The following MYO6 variants were observed in gnomAD, a reference collection of about 807,000 sequenced individuals.
MYO6 encodes myosin VI, also known as unconventional myosin-VI.
In MYO6, 74 loss-of-function variants were observed where a neutral mutation model predicts 178.7. The ratio of observed to expected loss-of-function variants is 0.41; its 90% confidence interval spans 0.34 to 0.50. MYO6 has a LOEUF of 0.50. Ranked by LOEUF, MYO6 falls within the 20% of genes least tolerant of loss-of-function variation. MYO6 has a pLI of 0.09. For synonymous variants in MYO6, 477 were observed against 504.6 expected (o/e 0.95, Z 0.73); for missense variants, 1,330 against 1,547.4 (o/e 0.86, Z 2.36).
chr6:75,774,953 C>A (rs1234687408), intron 1 of MYO6, among the ~76,000 whole-genome samples: 1 of 151,998 alleles, frequency 6.6e-6, no homozygotes, highest in Non-Finnish European at 1.5e-5. Context: ...GCCACCACAC[C>A]TGGCTAATTT....
In MYO6 at chr6:75,917,876, A is replaced by C. The variant is rs1781204106; in HGVS notation, c.*2864A>C. The C allele has an allele frequency of 1.7e-5, 1 of 58,018 alleles. No individual in the cohort carries two copies. Among genetic ancestry groups the C allele is most frequent in the Non-Finnish European group, 4.8e-5 (1 of 20,824 alleles). 3.6% of individuals were successfully genotyped at this position (58,018 alleles called of 1,614,324 possible). A position where few individuals can be genotyped will look rare whatever the true frequency, so the allele number is the denominator to read the frequency against. ...GGTTCTCAGCGATCCAAATATGTAG[A>C]TCATTGGTTTTTTTTTTTACCTGAA... On this transcript the variant is annotated 3_prime_UTR_variant, in exon 35 of 35. Coordinates refer to ENST00000369977, the MANE Select transcript of MYO6 (RefSeq NM_004999.4).
In MYO6 at chr6:75,840,621, CTG is replaced by C. The variant is rs1467128922; in HGVS notation, c.592_593del (p.Val198SerfsTer4). The stretch of plus-strand genomic sequence containing the variant: ...CTAGAAGCCTTTGGAAATGCGAAGA[CTG>C]TTCGCAACAATAATAGCAGTCGATT... On this transcript the variant is annotated frameshift_variant, in exon 8 of 35. Transcript: ENST00000369977. LOFTEE classifies it high-confidence loss of function. 6.2e-7 allele frequency: 1 copy of C among 1,613,950 alleles called. No homozygotes were observed. The highest frequency in any genetic ancestry group is 1.1e-5 in the South Asian group (1 of 91,080).
intron 25 of MYO6, among the ~76,000 whole-genome samples, chr6:75,889,102 A>G (rs1778695015): frequency 6.6e-6 from 1 of 152,152 alleles, no homozygotes; most frequent in Admixed American, 6.6e-5. Flanking sequence ...TGAGCGTTTT[A>G]TATTTTCTGC....
At chr6:75,776,433 G>T (rs1583036630) in intron 1 of MYO6, among the ~76,000 whole-genome samples, 1 of 152,088 alleles carries the variant, frequency 6.6e-6, no homozygotes, top group East Asian at 1.9e-4. Flanking sequence ...AAATCTTTTT[G>T]AATAACATCT....
intron 1 of MYO6, among the ~76,000 whole-genome samples, chr6:75,779,581 G>C (rs918745436): frequency 6.6e-6 from 1 of 152,068 alleles, no homozygotes; most frequent in African/African-American, 2.4e-5. Context: ...AATTGACTGA[G>C]TTGTCTTTCA....
chr6:75,909,083 T>G (rs1425360178), intron 32 of MYO6, among the ~76,000 whole-genome samples: 2 of 152,204 alleles, frequency 1.3e-5, no homozygotes, highest in Non-Finnish European at 1.5e-5. Flanking sequence ...AGAGATGAGG[T>G]CTTGCCATTT....
chr6:75,866,936 A>G lies in MYO6; in HGVS notation c.1775A>G (p.Gln592Arg). Residue 592 changes from glutamine to arginine, a missense_variant, in exon 18 of 35, where the codon CAG becomes CGG. This residue lies in a region of MYO6 where 613 missense variants were observed against 816.8 expected (regional missense o/e 0.75). Coordinates refer to ENST00000369977, the MANE Select transcript of MYO6 (RefSeq NM_004999.4). Reference sequence around the variant, plus strand: ...CCTGTTTGATTTATTTTTCAGACCCAGTTTGTGGAGAAAAATAATGATGCT... The same window carrying G: ...CCTGTTTGATTTATTTTTCAGACCCGGTTTGTGGAGAAAAATAATGATGCT... ...FAGAVCYETT[Q>R]FVEKNNDALH... The G allele has an allele frequency of 6.2e-7, 1 of 1,613,862 alleles. No individual in the cohort carries two copies. The highest frequency in any genetic ancestry group is 8.5e-7 in the Non-Finnish European group (1 of 1,179,846).
rs898404343 is a variant in MYO6, at chr6:75,859,063, T to A, written c.1473+70T>A. 5.8e-6 allele frequency: 6 copies of A among 1,032,494 alleles called. No homozygotes were observed. In the African/African-American group the frequency reaches 9.5e-5, roughly 16 times the overall value. The allele number at this position is 1,032,494 out of a possible 1,614,324, so 64.0% of individuals were successfully genotyped here. A position where few individuals can be genotyped will look rare whatever the true frequency, so the allele number is the denominator to read the frequency against. ...TTTAAATTTTAAGGAAGAGATATGC[T>A]GCAGTTACCCTGATTGGTGTGGATG... On this transcript the variant is annotated intron_variant, in intron 14 of 34. Coordinates refer to ENST00000369977, the MANE Select transcript of MYO6 (RefSeq NM_004999.4).
intron 19 of MYO6, among the ~76,000 whole-genome samples, chr6:75,872,161 A>G (rs765492763): frequency 6.6e-5 from 10 of 152,052 alleles, no homozygotes; most frequent in Non-Finnish European, 1.3e-4. Flanking sequence ...ATAAATGAAT[A>G]AATAAATAAA....
intron 33 of MYO6, among the ~76,000 whole-genome samples, chr6:75,912,495 A>C (rs1265550055): frequency 2.0e-5 from 3 of 152,078 alleles, no homozygotes; most frequent in Non-Finnish European, 4.4e-5. Flanking sequence ...ACAAAATTTC[A>C]GTTCTCCTGT....
chr6:75,908,821 C>T (rs943999617), intron 32 of MYO6, among the ~76,000 whole-genome samples, 194 bp downstream of exon 32: 3 of 152,024 alleles, frequency 2.0e-5, no homozygotes, highest in African/African-American at 7.3e-5. Flanking sequence ...TAAACTCATA[C>T]TTGTTAAGAT....
At chr6:75,891,389 T>A in intron 27 of MYO6, 83 bp downstream of exon 27, 1 of 1,025,126 alleles carries the variant, frequency 9.8e-7, no homozygotes, top group Non-Finnish European at 1.5e-6. Flanking sequence ...TCCCAGCTCT[T>A]TGGGAGGCCG....
chr6:75,834,720 C>T (rs1218609339), intron 6 of MYO6, among the ~76,000 whole-genome samples: 1 of 151,404 alleles, frequency 6.6e-6, no homozygotes, highest in Non-Finnish European at 1.5e-5. Context: ...CATAGTGGTA[C>T]TATGAAAGTT....
At chr6:75,768,623 C>T (rs1778653672) in intron 1 of MYO6, among the ~76,000 whole-genome samples, 1 of 152,032 alleles carries the variant, frequency 6.6e-6, no homozygotes, top group African/African-American at 2.4e-5. Context: ...CTTAAGTGAT[C>T]CACCAGCCTC....
At chr6:75,881,210 C>T (rs919604322) in intron 22 of MYO6, among the ~76,000 whole-genome samples, 2 of 151,926 alleles carry the variant, frequency 1.3e-5, no homozygotes, top group Non-Finnish European at 2.9e-5. Flanking sequence ...ACCAAGATTG[C>T]GCCACTGCAA....
chr6:75,885,046 A>G (rs994783781), intron 23 of MYO6, among the ~76,000 whole-genome samples: 3 of 152,218 alleles, frequency 2.0e-5, no homozygotes, highest in Non-Finnish European at 4.4e-5. Flanking sequence ...TTAAACTTTA[A>G]TAAACTAAGT....
Position 75,907,620 on chromosome 6 carries a change from A to G in MYO6, c.3192A>G (p.Leu1064=). ...SEFLSRGPAV[L]ATKAAAGTKK... is the part of the protein sequence containing the mutation. ...ATAATTACAGAGGTCCTGCTGTACTAGCCACCAAAGCAGCTGCTGGTACTA... is the reference window on the plus strand; with the variant it reads ...ATAATTACAGAGGTCCTGCTGTACTGGCCACCAAAGCAGCTGCTGGTACTA... The change falls in exon 31 of 35, where the codon CTA becomes CTG. Residue 1064 remains leucine (L), a synonymous_variant. Transcript: ENST00000369977. 3 of 1,613,118 alleles carry G rather than the reference A, an allele frequency of 1.9e-6. No individual in the cohort carries two copies. Among genetic ancestry groups the G allele is most frequent in the South Asian group, 1.1e-5 (1 of 91,064 alleles).
intron 11 of MYO6, among the ~76,000 whole-genome samples, chr6:75,851,788 C>G (rs757865776): frequency 9.9e-5 from 15 of 152,050 alleles, no homozygotes; most frequent in Non-Finnish European, 2.1e-4. Context: ...CTGCAGTGAG[C>G]CATGATCGCA....
chr6:75,842,123 A>G (rs891078321), intron 9 of MYO6, among the ~76,000 whole-genome samples: 4 of 152,166 alleles, frequency 2.6e-5, no homozygotes, highest in Admixed American at 2.0e-4. Flanking sequence ...GCATTGGGCC[A>G]GGATTAAAAA....
Sources: allele counts gnomAD v4.1 joint callset (sites outside exome capture counted in the v4.1 genomes callset), GRCh38; gene constraint gnomAD v4.1.1; regional missense constraint gnomAD v4.1.1; transcripts MANE v1.5; gene names NCBI Gene and HGNC (gene_info 2026-07-23, HGNC 2026-07-21).